Variants in DOCK1 observed in about 807,000 individuals in gnomAD.
The protein encoded by DOCK1 is dedicator of cytokinesis 1.
Under a neutral mutation model 262.7 loss-of-function variants are expected in DOCK1, and 138 were observed. That is an observed-to-expected ratio of 0.53 (90% confidence interval 0.46 to 0.61). DOCK1 has a LOEUF of 0.61. Ranked by LOEUF, DOCK1 falls within the 20% of genes least tolerant of loss-of-function variation. The pLI is 0.00. For synonymous variants in DOCK1, 866 were observed against 867.4 expected, an observed-to-expected ratio of 1.00 and a Z score of 0.03; for missense variants, 1,908 against 2,370.7, an observed-to-expected ratio of 0.80 and a Z score of 4.05.
At chr10:127,106,938 C>A (rs1289363275) in intron 24 of DOCK1, among the ~76,000 whole-genome samples, 1 of 151,992 alleles carries the variant, frequency 6.6e-6, no homozygotes, top group Admixed American at 6.6e-5. Flanking sequence ...CCATTGTGAG[C>A]AAATGGGATA....
chr10:127,235,107 A>G (rs959157911), intron 27 of DOCK1, among the ~76,000 whole-genome samples: 2 of 150,018 alleles, frequency 1.3e-5, no homozygotes, highest in Admixed American at 6.7e-5. Context: ...ATATATGTAT[A>G]CTTTAAACAT....
intron 44 of DOCK1, among the ~76,000 whole-genome samples, 159 bp downstream of exon 44, chr10:127,415,397 G>A (rs553868524): frequency 2.6e-5 from 4 of 152,166 alleles, no homozygotes; most frequent in East Asian, 3.9e-4. Flanking sequence ...TGAGAGCATC[G>A]ATATCTCCTC....
At chr10:127,259,634 C>T (rs1041775892) in intron 29 of DOCK1, among the ~76,000 whole-genome samples, 7 of 152,124 alleles carry the variant, frequency 4.6e-5, no homozygotes, top group African/African-American at 1.7e-4. Flanking sequence ...CAGAGCAGCA[C>T]GTCCTGGCTC....
chr10:127,413,575 G>A (rs2067983953), intron 43 of DOCK1, among the ~76,000 whole-genome samples: 1 of 152,204 alleles, frequency 6.6e-6, no homozygotes, highest in Non-Finnish European at 1.5e-5. Context: ...TGATGTGCTG[G>A]GGAGTGAGGG....
intron 13 of DOCK1, among the ~76,000 whole-genome samples, chr10:127,019,891 C>A (rs1301855943): frequency 6.6e-6 from 1 of 152,358 alleles, no homozygotes; most frequent in African/African-American, 2.4e-5. Context: ...CCATATTCAA[C>A]GCGGCCTCCT....
intron 10 of DOCK1, among the ~76,000 whole-genome samples, chr10:127,002,116 T>A (rs2040638037): frequency 6.6e-6 from 1 of 152,250 alleles, no homozygotes; most frequent in Non-Finnish European, 1.5e-5. Context: ...ATATTTAAAA[T>A]GCCTTTCATT....
intron 28 of DOCK1, among the ~76,000 whole-genome samples, chr10:127,250,711 G>C (rs76400494): frequency 0.3 from 43,425 of 146,524 alleles, 7,206 homozygotes; most frequent in South Asian, 0.55. Flanking sequence ...AGAATGGCTG[G>C]AACCCGGGAG....
At chr10:127,137,646 G>T in intron 27 of DOCK1, 2 of 484,682 alleles carry the variant, frequency 4.1e-6, no homozygotes, top group Non-Finnish European at 7.2e-6. Context: ...CAGCTGGCAA[G>T]GAGTGACACA....
chr10:127,070,600 C>T (rs185872460), intron 23 of DOCK1, among the ~76,000 whole-genome samples: 395 of 151,914 alleles, frequency 2.6e-3, no homozygotes, highest in African/African-American at 7.1e-3. Flanking sequence ...TAGACGTCAT[C>T]GTGGACGTCA....
chr10:127,005,718 T>G (rs2040964479), intron 10 of DOCK1, among the ~76,000 whole-genome samples: 1 of 152,190 alleles, frequency 6.6e-6, no homozygotes, highest in South Asian at 2.1e-4. Flanking sequence ...TAGTACCTCA[T>G]GTTTATTCTG....
chr10:127,278,807 A>G (rs2060839649), intron 29 of DOCK1, among the ~76,000 whole-genome samples: 2 of 152,208 alleles, frequency 1.3e-5, no homozygotes, highest in Admixed American at 1.3e-4. Flanking sequence ...TCAAATAGAA[A>G]GAGCTTCCTT....
chr10:127,108,802 T>C (rs771983267), intron 24 of DOCK1, among the ~76,000 whole-genome samples: 2 of 152,198 alleles, frequency 1.3e-5, no homozygotes, highest in Non-Finnish European at 1.5e-5. Context: ...AAAGCACTTG[T>C]ATTAGTCCAT....
intron 27 of DOCK1, among the ~76,000 whole-genome samples, chr10:127,182,188 A>G (rs1309404659): frequency 6.6e-6 from 1 of 152,206 alleles, no homozygotes; most frequent in Non-Finnish European, 1.5e-5. Flanking sequence ...CACCTAGTCC[A>G]AAGCAGGGAA....
At chr10:126,915,435 G>C (rs551300870) in intron 1 of DOCK1, among the ~76,000 whole-genome samples, 6 of 149,600 alleles carry the variant, frequency 4.0e-5, no homozygotes, top group African/African-American at 1.2e-4. Flanking sequence ...GGGGGCGGGG[G>C]GGGGATGGAG....
intron 27 of DOCK1, among the ~76,000 whole-genome samples, chr10:127,207,276 C>T (rs1379115003): frequency 1.3e-5 from 2 of 152,144 alleles, no homozygotes; most frequent in Non-Finnish European, 2.9e-5. Flanking sequence ...GTTATCAGCA[C>T]CATTGTGAAA....
intron 1 of DOCK1, among the ~76,000 whole-genome samples, chr10:126,937,697 G>A (rs2134224414): frequency 6.6e-6 from 1 of 151,620 alleles, no homozygotes; most frequent in Admixed American, 6.6e-5. Flanking sequence ...CATTTTTAAT[G>A]TTTCTTTGTT....
chr10:126,938,334 C>T (rs2034697851), intron 1 of DOCK1, among the ~76,000 whole-genome samples: 1 of 152,212 alleles, frequency 6.6e-6, no homozygotes, highest in African/African-American at 2.4e-5. Context: ...AGGCAAGAGC[C>T]ACTGCGCCCG....
At chr10:127,281,969 C>G (rs2060976778) in intron 29 of DOCK1, among the ~76,000 whole-genome samples, 1 of 152,132 alleles carries the variant, frequency 6.6e-6, no homozygotes, top group East Asian at 1.9e-4. Context: ...GAAGTATTGT[C>G]TTGGGCCACA....
intron 25 of DOCK1, among the ~76,000 whole-genome samples, chr10:127,122,256 G>A (rs141183292): frequency 6.0e-4 from 92 of 152,122 alleles, no homozygotes; most frequent in African/African-American, 1.9e-3. Flanking sequence ...ACCAGGTGAC[G>A]GACGGTACTG....
Sources: allele counts gnomAD v4.1 joint callset (sites outside exome capture counted in the v4.1 genomes callset), GRCh38; gene constraint gnomAD v4.1.1; transcripts MANE v1.5; gene names NCBI Gene and HGNC (gene_info 2026-07-23, HGNC 2026-07-21).